The following TRA2B variants were observed in gnomAD, a reference collection of about 807,000 sequenced individuals.
The protein encoded by TRA2B is transformer 2 beta homolog, also known as transformer-2 protein homolog beta.
A neutral mutation model predicts 41.7 loss-of-function variants in TRA2B; 14 were observed. The ratio of observed to expected loss-of-function variants is 0.34; its 90% CI spans 0.22 to 0.53. The LOEUF (loss-of-function observed/expected upper bound fraction) is 0.53. TRA2B is among the 20% of genes least tolerant of loss of function. TRA2B has a pLI of 0.95. For missense variants in TRA2B, 167 were observed against 396.8 expected (o/e 0.42, Z 4.92); for synonymous variants, 130 against 128.8 (o/e 1.01, Z -0.06).
chr3:185,937,659 T>C (rs1744419006), intron 1 of TRA2B, among the ~76,000 whole-genome samples, 166 bp downstream of exon 1: 1 of 152,150 alleles, frequency 6.6e-6, no homozygotes, highest in South Asian at 2.1e-4. Flanking sequence ...TAAGGCACTA[T>C]CCACAAAGGC....
intron 6 of TRA2B, among the ~76,000 whole-genome samples, chr3:185,920,650 G>A (rs548389806): frequency 1.3e-4 from 20 of 152,112 alleles, no homozygotes; most frequent in African/African-American, 4.8e-4. Flanking sequence ...TGCCTGCCGG[G>A]TTCAAGCAAT....
At chr3:185,936,175 G>C (rs1323257365) in intron 1 of TRA2B, 5 of 985,258 alleles carry the variant, frequency 5.1e-6, no homozygotes, top group Non-Finnish European at 6.0e-6. Context: ...TTTTTGAAGA[G>C]TAGAAAGGTA....
At chr3:185,930,992 G>C (rs1035329070) in intron 1 of TRA2B, among the ~76,000 whole-genome samples, 3 of 152,120 alleles carry the variant, frequency 2.0e-5, no homozygotes, top group African/African-American at 7.2e-5. Flanking sequence ...AACCATCCCT[G>C]TGTATTTAGC....
At chr3:185,935,852 G>T (rs191519082) in intron 1 of TRA2B, 63 of 985,328 alleles carry the variant, frequency 6.4e-5, no homozygotes, top group Admixed American at 1.2e-4. Flanking sequence ...ATTTCACAAC[G>T]TAAAAGTTTA....
At position 185,923,686 on chromosome 3, in the gene TRA2B, A is replaced by T. The variant is rs1162680662; in HGVS notation, c.522+110T>A. 11 of 1,026,556 alleles carry T rather than the reference A, an allele frequency of 1.1e-5. No homozygotes were observed. In the Admixed American group the frequency reaches 1.2e-4, roughly 11 times the overall value. The allele number at this position is 1,026,556 out of a possible 1,614,324, so 63.6% of individuals were successfully genotyped here. ...AGTCTCCACAAGAGGTTGGAGAAAA[A>T]GTTCGAAGTATTACTGACTTGTCCT... On this transcript the variant is annotated intron_variant, in intron 4 of 8. Coordinates refer to ENST00000453386, the MANE Select transcript of TRA2B (RefSeq NM_004593.3).
rs1381280704 is a variant in TRA2B, at chr3:185,917,444, TAGAAACTTCTCAGC to T, written c.*257_*270del. ...ACCTTTTAAATGAAGTTTTGTACAA[TAGAAACTTCTCAGC>T]AGTCAAAATTTAGACTGTAAAAAAA... On this transcript the variant is annotated 3_prime_UTR_variant, in exon 9 of 9. Transcript: ENST00000453386. The T allele has an allele frequency of 9.2e-6, 4 of 433,556 alleles. No homozygotes were observed. Among genetic ancestry groups the T allele is most frequent in the African/African-American group, 8.2e-5 (4 of 48,660 alleles). The allele number at this position is 433,556 out of a possible 1,614,324, so 26.9% of individuals were successfully genotyped here.
At chr3:185,918,243 G>T in intron 8 of TRA2B, 122 bp downstream of exon 8, 1 of 660,420 alleles carries the variant, frequency 1.5e-6, no homozygotes, top group Non-Finnish European at 2.5e-6. Context: ...TGTTCAGGAT[G>T]TGTGGAGAAT....
Position 185,915,237 on chromosome 3 carries a change from G to A in TRA2B, c.*2478C>T, listed in dbSNP as rs1050798886. On this transcript the variant is annotated 3_prime_UTR_variant, in exon 9 of 9. Transcript: ENST00000453386. ...TGGGACCCTGTTGATTTCCTGAGAA[G>A]TTTCACAAAAGCCTAGTATAAAACT... 6.6e-6 allele frequency among the ~76,000 whole-genome samples: 1 copy of A among 152,160 alleles called. No homozygotes were observed. The highest frequency in any genetic ancestry group is 1.5e-5 in the Non-Finnish European group (1 of 68,016).
chr3:185,935,357 T>C (rs1378352831), intron 1 of TRA2B: 1 of 985,158 alleles, frequency 1.0e-6, no homozygotes, highest in Non-Finnish European at 1.2e-6. Flanking sequence ...GGGGAAAAAA[T>C]AAATCCCACA....
At chr3:185,934,329 G>C in intron 1 of TRA2B, 2 of 985,350 alleles carry the variant, frequency 2.0e-6, no homozygotes, top group Non-Finnish European at 2.4e-6. Flanking sequence ...TTTTATTGTA[G>C]AGAAAGGAGG....
In TRA2B at chr3:185,937,948, C is replaced by G; in HGVS notation, c.-88G>C. ...CCTTAAGGAGGCTCCGCCGCAGCCC[C>G]GCACGACGCGCCGGTCGCCCAGCCG... On this transcript the variant is annotated 5_prime_UTR_variant, in exon 1 of 9. Transcript: ENST00000453386. 6.6e-7 allele frequency: 1 copy of G among 1,525,890 alleles called. No individual in the cohort carries two copies. Among genetic ancestry groups the G allele is most frequent in the Non-Finnish European group, 9.0e-7 (1 of 1,115,162 alleles). 94.5% of individuals were successfully genotyped at this position (1,525,890 alleles called of 1,614,324 possible). A position where few individuals can be genotyped will look rare whatever the true frequency, so the allele number is the denominator to read the frequency against.
intron 1 of TRA2B, chr3:185,936,676 G>GT (rs35441764): frequency 0.29 from 203,441 of 696,062 alleles, 7,283 homozygotes; most frequent in East Asian, 0.39. Flanking sequence ...GTAACAAATT[G>GT]TTTTTTTTTT....
At chr3:185,918,308 TGTC>T in intron 8 of TRA2B, 54 bp downstream of exon 8, 2 of 1,267,930 alleles carry the variant, frequency 1.6e-6, no homozygotes, top group Non-Finnish European at 2.3e-6. Context: ...GGGAATACAC[TGTC>T]ATCAGAGCAA....
chr3:185,921,238 GT>G, intron 5 of TRA2B, 51 bp from the exon 6 acceptor site: 2 of 1,519,360 alleles, frequency 1.3e-6, no homozygotes, highest in Non-Finnish European at 9.1e-7. Context: ...CTGGACATGA[GT>G]TTTTATATCT....
intron 5 of TRA2B, 147 bp from the exon 6 acceptor site, chr3:185,921,334 C>T: frequency 7.2e-6 from 5 of 691,038 alleles, no homozygotes; most frequent in Non-Finnish European, 1.2e-5. Context: ...AAACATTGCC[C>T]TTTCCCTTGT....
intron 3 of TRA2B, chr3:185,925,209 C>T: frequency 2.8e-6 from 1 of 359,830 alleles, no homozygotes; most frequent in Non-Finnish European, 5.1e-6. Flanking sequence ...TATAGTAATG[C>T]AGTCGGAAGT....
At chr3:185,924,093 A>G in intron 3 of TRA2B, 109 bp from the exon 4 acceptor site, 1 of 946,430 alleles carries the variant, frequency 1.1e-6, no homozygotes, top group South Asian at 1.9e-5. Flanking sequence ...AAAAGTACAT[A>G]ATGATTAGAC....
chr3:185,933,041 T>C (rs2551374), intron 1 of TRA2B, among the ~76,000 whole-genome samples: 1 of 152,208 alleles, frequency 6.6e-6, no homozygotes, highest in Admixed American at 6.5e-5. Context: ...TTAAGGGAGT[T>C]ACAGTAATTG....
chr3:185,924,097 AT>A, intron 3 of TRA2B, 113 bp from the exon 4 acceptor site: 1 of 896,514 alleles, frequency 1.1e-6, no homozygotes, highest in Non-Finnish European at 1.6e-6. Flanking sequence ...GTACATAATG[AT>A]TAGACCAAAC....
Sources: allele counts gnomAD v4.1 joint callset (sites outside exome capture counted in the v4.1 genomes callset), GRCh38; gene constraint gnomAD v4.1.1; transcripts MANE v1.5; gene names NCBI Gene and HGNC (gene_info 2026-07-23, HGNC 2026-07-21).